The following APBB2 variants were observed in gnomAD, a reference collection of about 807,000 sequenced individuals.
The protein encoded by APBB2 is Fe65-like 1.
A neutral mutation model predicts 82.5 loss-of-function variants in APBB2; 38 were observed. The ratio of observed to expected loss-of-function variants is 0.46; its 90% CI spans 0.36 to 0.60. The LOEUF (loss-of-function observed/expected upper bound fraction) is 0.60, where lower values mean the gene tolerates loss of function less well. APBB2 is among the 20% of genes least tolerant of loss of function. The probability of loss-of-function intolerance (pLI) is 0.00; values close to 1 mark genes in which losing one functional copy is unlikely to be tolerated. For missense variants in APBB2, 772 were observed against 972.3 expected, an observed-to-expected ratio of 0.79 and a Z score of 2.74; for synonymous variants, 341 against 368.2, an observed-to-expected ratio of 0.93 and a Z score of 0.85.
At chr4:41,032,306 A>G (rs549015648) in intron 5 of APBB2, among the ~76,000 whole-genome samples, 1 of 152,340 alleles carries the variant, frequency 6.6e-6, no homozygotes, top group African/African-American at 2.4e-5. Context: ...TATGATGTTT[A>G]ATATGAAATG....
intron 6 of APBB2, among the ~76,000 whole-genome samples, chr4:40,954,381 G>A (rs1695645215): frequency 6.6e-6 from 1 of 152,164 alleles, no homozygotes; most frequent in Non-Finnish European, 1.5e-5. Context: ...GGCACGGGGT[G>A]GAGAGGAAAG....
intron 3 of APBB2, among the ~76,000 whole-genome samples, chr4:41,080,499 T>C (rs907489380): frequency 2.0e-5 from 3 of 152,188 alleles, no homozygotes; most frequent in Non-Finnish European, 2.9e-5. Context: ...TTTTGTTAGC[T>C]GTACACAACA....
At chr4:41,059,567 A>C (rs1343284515) in intron 4 of APBB2, among the ~76,000 whole-genome samples, 1 of 152,282 alleles carries the variant, frequency 6.6e-6, no homozygotes, top group Non-Finnish European at 1.5e-5. Flanking sequence ...AAAACCGCTT[A>C]AAGGCGTTCT....
At chr4:41,039,207 T>A (rs569618657) in intron 4 of APBB2, among the ~76,000 whole-genome samples, 4 of 152,260 alleles carry the variant, frequency 2.6e-5, no homozygotes, top group South Asian at 2.1e-4. Context: ...AATAAGACAA[T>A]CTTTGTTGTA....
intron 12 of APBB2, among the ~76,000 whole-genome samples, chr4:40,840,235 A>G (rs1408326994): frequency 1.3e-5 from 2 of 152,196 alleles, no homozygotes; most frequent in Non-Finnish European, 2.9e-5. Flanking sequence ...TTCAAAAGGT[A>G]AGCCCACATG....
At chr4:41,078,645 A>G (rs899277322) in intron 3 of APBB2, among the ~76,000 whole-genome samples, 3 of 152,194 alleles carry the variant, frequency 2.0e-5, no homozygotes, top group African/African-American at 7.2e-5. Flanking sequence ...GACCCTGGAC[A>G]CCAGTGCACA....
Position 41,033,283 on chromosome 4 carries a change from GA to G in APBB2, c.-30del. The G allele has an allele frequency of 6.3e-7, 1 of 1,591,538 alleles. No homozygotes were observed. The highest frequency in any genetic ancestry group is 1.2e-5 in the South Asian group (1 of 86,522). On this transcript the variant is annotated 5_prime_UTR_variant, in exon 5 of 18. The change abolishes the stop of an existing upstream ORF in the 5' untranslated region. Transcript: ENST00000508593. ...TCACCAGGCGTCAGCAATGGTGCAG[GA>G]AATAGGTTATAATTTGAAATCTAAA...
In APBB2 at chr4:40,815,176, C is replaced by T. The variant is rs777779729; in HGVS notation, c.*916G>A. 7 of 152,554 alleles carry T rather than the reference C, an allele frequency of 4.6e-5. No homozygotes were observed. The South Asian group carries it at 6.2e-4, about 14-fold the overall frequency. The allele number at this position is 152,554 out of a possible 1,614,324, so 9.5% of individuals were successfully genotyped here. On this transcript the variant is annotated 3_prime_UTR_variant, in exon 18 of 18. Coordinates refer to ENST00000508593, the MANE Select transcript of APBB2 (RefSeq NM_004307.2). ...ATGATATTTCCTCAACTTCAAATTG[C>T]ATATCAGCTAATTCTCAAACTAAGG...
intron 4 of APBB2, among the ~76,000 whole-genome samples, chr4:41,047,623 C>A (rs754720247): frequency 6.6e-6 from 1 of 152,250 alleles, no homozygotes; most frequent in African/African-American, 2.4e-5. Context: ...GCAAGGTTAA[C>A]AAACTTGCAT....
chr4:40,833,798 A>G (rs1294265824), intron 12 of APBB2, among the ~76,000 whole-genome samples: 1 of 152,122 alleles, frequency 6.6e-6, no homozygotes, highest in Non-Finnish European at 1.5e-5. Context: ...GAAGCCTCCA[A>G]GATCCATCAG....
At chr4:41,196,639 T>G in intron 1 of APBB2, among the ~76,000 whole-genome samples, 2 of 143,776 alleles carry the variant, frequency 1.4e-5, no homozygotes, top group African/African-American at 5.3e-5. Flanking sequence ...GGGGAGAGGC[T>G]TAGAAGGTTT....
At chr4:40,938,242 C>G (rs1785885308) in intron 7 of APBB2, among the ~76,000 whole-genome samples, 2 of 152,182 alleles carry the variant, frequency 1.3e-5, no homozygotes, top group South Asian at 4.1e-4. Context: ...TGACCTTGTC[C>G]AGGCTGCAAC....
At chr4:40,868,300 C>A (rs1217991906) in intron 12 of APBB2, among the ~76,000 whole-genome samples, 4 of 152,206 alleles carry the variant, frequency 2.6e-5, no homozygotes, top group Non-Finnish European at 5.9e-5. Flanking sequence ...TGAAAAAGAC[C>A]CACAGTGGAT....
intron 1 of APBB2, among the ~76,000 whole-genome samples, chr4:41,212,502 C>T (rs1009807363): frequency 3.9e-5 from 6 of 152,140 alleles, no homozygotes; most frequent in African/African-American, 9.7e-5. Context: ...TTCAGAAAGC[C>T]AGTTCACATT....
At chr4:41,071,332 T>C (rs781218702) in intron 3 of APBB2, among the ~76,000 whole-genome samples, 4 of 152,246 alleles carry the variant, frequency 2.6e-5, no homozygotes, top group Non-Finnish European at 5.9e-5. Flanking sequence ...TCAATAATTA[T>C]AATTCTCTGC....
At chr4:41,121,817 G>T (rs7656191) in intron 2 of APBB2, among the ~76,000 whole-genome samples, 115,792 of 152,068 alleles carry the variant, frequency 0.76, 45,049 homozygotes, top group African/African-American at 0.88. Context: ...ATGCAGCCAC[G>T]TCTTTGTGGC....
chr4:40,945,070 T>G lies in APBB2; in HGVS notation c.839A>C (p.Asp280Ala). ...CTGAAATGAGTGATCACTCCATATATCTGCTGAAAAATTGGGGGGCGGGGC... is the reference window on the plus strand; with the variant it reads ...CTGAAATGAGTGATCACTCCATATAGCTGCTGAAAAATTGGGGGGCGGGGC... ...ASPSSPDETA[D>A]IWSDHSFQTD... is the part of the protein sequence containing the mutation. Residue 280 changes from aspartate to alanine, a missense_variant, in exon 7 of 18, where the codon GAT becomes GCT. Transcript: ENST00000508593. 1 of 1,190,288 alleles carries G rather than the reference T, an allele frequency of 8.4e-7. No homozygotes were observed. The highest frequency in any genetic ancestry group is 1.2e-6 in the Non-Finnish European group (1 of 860,840). The allele number at this position is 1,190,288 out of a possible 1,614,324, so 73.7% of individuals were successfully genotyped here.
At chr4:41,058,434 T>C (rs1387739561) in intron 4 of APBB2, among the ~76,000 whole-genome samples, 1 of 152,240 alleles carries the variant, frequency 6.6e-6, no homozygotes, top group Non-Finnish European at 1.5e-5. Context: ...GATTATGTAC[T>C]AGGTATGTGA....
chr4:41,201,395 A>G (rs941649843), intron 1 of APBB2, among the ~76,000 whole-genome samples: 2 of 152,270 alleles, frequency 1.3e-5, no homozygotes. Flanking sequence ...CAAAAGGTGG[A>G]GCATCGCTAA....
Sources: gnomAD v4.1 joint callset for allele counts (sites outside exome capture counted in the v4.1 genomes callset) on GRCh38, gnomAD v4.1.1 for gene constraint, MANE v1.5 for transcripts, NCBI Gene and HGNC (gene_info 2026-07-23, HGNC 2026-07-21) for gene names.